Variants in HEMK2 observed in about 807,000 individuals in gnomAD.
HEMK2 encodes methyltransferase HEMK2.
At chr21:28,777,266 C>A in the HEMK2 span, among the ~76,000 whole-genome samples, 2 of 152,194 alleles carry the variant, frequency 1.3e-5, no homozygotes, top group African/African-American at 4.8e-5. Context: ...TTTAGAATGT[C>A]ATGTGACCTC....
chr21:28,801,764 T>C, the HEMK2 span, among the ~76,000 whole-genome samples: 2 of 152,146 alleles, frequency 1.3e-5, no homozygotes, highest in Non-Finnish European at 2.9e-5. Context: ...CAATTTCAAA[T>C]GATTTAAACA....
At chr21:28,753,540 C>A in the HEMK2 span, among the ~76,000 whole-genome samples, 1 of 152,104 alleles carries the variant, frequency 6.6e-6, no homozygotes, top group Admixed American at 6.6e-5. Flanking sequence ...CATTCTCAAT[C>A]ATCATTGAAG....
chr21:28,690,985 T>C, the HEMK2 span, among the ~76,000 whole-genome samples: 7 of 152,224 alleles, frequency 4.6e-5, no homozygotes, highest in Non-Finnish European at 8.8e-5. Flanking sequence ...GGCAGCTAGA[T>C]ACAGAGTCTT....
At chr21:28,700,261 C>T in the HEMK2 span, among the ~76,000 whole-genome samples, 3 of 152,164 alleles carry the variant, frequency 2.0e-5, no homozygotes, top group African/African-American at 7.2e-5. Context: ...ATTATGACAA[C>T]TGTCCTCATC....
the HEMK2 span, among the ~76,000 whole-genome samples, chr21:28,677,295 C>T: frequency 6.6e-6 from 1 of 152,094 alleles, no homozygotes; most frequent in African/African-American, 2.4e-5. Context: ...GAGCCTTGCT[C>T]CTTGTTAGCA....
At chr21:28,809,753 G>A in the HEMK2 span, among the ~76,000 whole-genome samples, 4 of 152,134 alleles carry the variant, frequency 2.6e-5, no homozygotes, top group South Asian at 6.2e-4. Context: ...TTTTTAAAAT[G>A]CTTTGATATA....
At chr21:28,623,137 T>G in the HEMK2 span, among the ~76,000 whole-genome samples, 1 of 151,912 alleles carries the variant, frequency 6.6e-6, no homozygotes, top group African/African-American at 2.4e-5. Flanking sequence ...CTTAAACAAA[T>G]TTACAAGAAA....
the HEMK2 span, among the ~76,000 whole-genome samples, chr21:28,647,967 A>C: frequency 6.6e-6 from 1 of 152,214 alleles, no homozygotes; most frequent in African/African-American, 2.4e-5. Flanking sequence ...GTGATTCTTG[A>C]ATGTGACTGA....
the HEMK2 span, among the ~76,000 whole-genome samples, chr21:28,701,546 CCA>C: frequency 8.3e-5 from 10 of 119,960 alleles, no homozygotes; most frequent in South Asian, 2.7e-4. Flanking sequence ...TTCACAATAG[CCA>C]CACACACACA....
chr21:28,597,687 T>C, the HEMK2 span, among the ~76,000 whole-genome samples: 12 of 152,130 alleles, frequency 7.9e-5, no homozygotes, highest in Non-Finnish European at 1.6e-4. Context: ...AGGACACTTA[T>C]CAGAAAGAAG....
the HEMK2 span, among the ~76,000 whole-genome samples, chr21:28,614,128 T>C: frequency 5.3e-5 from 8 of 152,346 alleles, no homozygotes; most frequent in Non-Finnish European, 8.8e-5. Flanking sequence ...CATCCAGGAA[T>C]TGAATTTACA....
chr21:28,781,204 T>TCCTGCAGG, the HEMK2 span, among the ~76,000 whole-genome samples: 43 of 152,264 alleles, frequency 2.8e-4, no homozygotes, highest in African/African-American at 9.4e-4. Context: ...AAAGCACTCT[T>TCCTGCAGG]TTATTATTTG....
chr21:28,594,865 A>C, the HEMK2 span, among the ~76,000 whole-genome samples: 3 of 152,216 alleles, frequency 2.0e-5, no homozygotes, highest in Non-Finnish European at 4.4e-5. Flanking sequence ...ATATTGCTGC[A>C]TCGTTCACAA....
the HEMK2 span, among the ~76,000 whole-genome samples, chr21:28,581,153 A>G: frequency 6.6e-6 from 1 of 151,934 alleles, no homozygotes; most frequent in Non-Finnish European, 1.5e-5. Flanking sequence ...GAATCTGGTG[A>G]GACAGAACAT....
the HEMK2 span, among the ~76,000 whole-genome samples, chr21:28,804,816 AG>A: frequency 6.6e-6 from 1 of 152,204 alleles, no homozygotes; most frequent in Non-Finnish European, 1.5e-5. Flanking sequence ...CAATATCAAA[AG>A]GGCTGGGAAG....
At chr21:28,665,387 ATTTT>A in the HEMK2 span, among the ~76,000 whole-genome samples, 28 of 14,412 alleles carry the variant, frequency 1.9e-3, no homozygotes, top group African/African-American at 0.011. Context: ...TTTTTTTTTA[ATTTT>A]TTTTTTTTTT....
At chr21:28,771,235 T>C in the HEMK2 span, among the ~76,000 whole-genome samples, 1 of 152,192 alleles carries the variant, frequency 6.6e-6, no homozygotes, top group East Asian at 1.9e-4. Context: ...ACAGGACTTA[T>C]GATGGCCAAG....
the HEMK2 span, chr21:28,883,133 T>C: frequency 8.7e-7 from 1 of 1,146,258 alleles, no homozygotes; most frequent in Non-Finnish European, 1.2e-6. Context: ...CAGAAAACTC[T>C]CATGCTAGTG....
At chr21:28,796,795 C>T in the HEMK2 span, among the ~76,000 whole-genome samples, 1 of 152,124 alleles carries the variant, frequency 6.6e-6, no homozygotes, top group African/African-American at 2.4e-5. Flanking sequence ...GTCTCAGACT[C>T]CTGGGCTCAA....
Sources: gnomAD v4.1 joint callset for allele counts (sites outside exome capture counted in the v4.1 genomes callset) on GRCh38, gnomAD v4.1.1 for gene constraint, MANE v1.5 for transcripts, NCBI Gene and HGNC (gene_info 2026-07-23, HGNC 2026-07-21) for gene names.